Variants in PPM1H observed in about 807,000 individuals in gnomAD.
PPM1H encodes protein phosphatase 1H.
In PPM1H, 27 loss-of-function variants were observed where a neutral mutation model predicts 54.9. The observed-to-expected ratio is 0.49, with a 90% CI of 0.36 to 0.68. PPM1H has a LOEUF of 0.68. PPM1H is among the 30% of genes least tolerant of loss of function. PPM1H has a pLI of 0.00. For missense variants in PPM1H, 596 were observed against 667.8 expected (o/e 0.89, Z 1.19); for synonymous variants, 305 against 270.8 (o/e 1.13, Z -1.24).
chr12:62,659,121 A>G, intron 9 of PPM1H: 2 of 735,290 alleles, frequency 2.7e-6, no homozygotes, highest in East Asian at 5.1e-5. Flanking sequence ...GATCATTCAC[A>G]ATGTTTCCTC....
intron 1 of PPM1H, among the ~76,000 whole-genome samples, chr12:62,854,842 T>C (rs115594542): frequency 0.012 from 1,841 of 152,074 alleles, 29 homozygotes; most frequent in African/African-American, 0.041. Flanking sequence ...AACATAAAAA[T>C]AAAAAATTTA....
At chr12:62,861,740 C>T (rs1869609130) in intron 1 of PPM1H, among the ~76,000 whole-genome samples, 1 of 152,296 alleles carries the variant, frequency 6.6e-6, no homozygotes, top group African/African-American at 2.4e-5. Flanking sequence ...TAGACCCAAA[C>T]ATTTCCTGGG....
chr12:62,854,644 T>C (rs1869315594), intron 1 of PPM1H, among the ~76,000 whole-genome samples: 1 of 152,144 alleles, frequency 6.6e-6, no homozygotes, highest in South Asian at 2.1e-4. Flanking sequence ...TACAGCACAC[T>C]TATTTTTTAG....
chr12:62,766,883 T>A (rs1272201094), intron 4 of PPM1H, among the ~76,000 whole-genome samples: 1 of 152,212 alleles, frequency 6.6e-6, no homozygotes, highest in Non-Finnish European at 1.5e-5. Context: ...CTATATACTG[T>A]TTCTCTCAAC....
At chr12:62,737,476 C>T (rs780214000) in intron 5 of PPM1H, 26 bp downstream of exon 5, 21 of 1,486,644 alleles carry the variant, frequency 1.4e-5, no homozygotes, top group Non-Finnish European at 1.8e-5. Context: ...TGCCACTGCC[C>T]TCTGCCAAGC....
chr12:62,899,493 AG>A (rs1871093110), intron 1 of PPM1H, among the ~76,000 whole-genome samples: 2 of 152,276 alleles, frequency 1.3e-5, no homozygotes, highest in Admixed American at 1.3e-4. Flanking sequence ...AGTTTACAAA[AG>A]TCTGACTGAC....
intron 6 of PPM1H, among the ~76,000 whole-genome samples, chr12:62,699,939 C>A: frequency 6.6e-6 from 1 of 152,160 alleles, no homozygotes; most frequent in East Asian, 1.9e-4. Context: ...GACGACATTC[C>A]TTCAAATCCC....
intron 1 of PPM1H, among the ~76,000 whole-genome samples, chr12:62,895,644 G>T (rs1351243996): frequency 6.6e-6 from 1 of 152,166 alleles, no homozygotes; most frequent in Non-Finnish European, 1.5e-5. Context: ...TAGATTGGTG[G>T]AATTCTCAAG....
At chr12:62,701,592 T>A (rs1052873519) in intron 6 of PPM1H, among the ~76,000 whole-genome samples, 1 of 152,162 alleles carries the variant, frequency 6.6e-6, no homozygotes, top group African/African-American at 2.4e-5. Flanking sequence ...TACAATCCAA[T>A]GATGAGGCCC....
intron 8 of PPM1H, among the ~76,000 whole-genome samples, chr12:62,682,004 C>T (rs1339148244): frequency 6.6e-6 from 1 of 152,140 alleles, no homozygotes; most frequent in East Asian, 1.9e-4. Flanking sequence ...AACCTGAGAT[C>T]CAGGGAAGTA....
intron 4 of PPM1H, chr12:62,756,329 G>A: frequency 2.0e-6 from 1 of 503,680 alleles, no homozygotes; most frequent in Non-Finnish European, 3.7e-6. Context: ...CCACAACACT[G>A]AGAATCTCCC....
At chr12:62,672,761 C>T (rs2075963642) in intron 8 of PPM1H, among the ~76,000 whole-genome samples, 1 of 152,190 alleles carries the variant, frequency 6.6e-6, no homozygotes, top group Non-Finnish European at 1.5e-5. Context: ...GTCCAGCTTA[C>T]AATGAACACC....
intron 5 of PPM1H, among the ~76,000 whole-genome samples, chr12:62,732,665 G>T (rs58319688): frequency 6.7e-6 from 1 of 149,924 alleles, no homozygotes; most frequent in African/African-American, 2.5e-5. Context: ...TCTGCCTCCC[G>T]GGTTCACGCC....
intron 5 of PPM1H, among the ~76,000 whole-genome samples, chr12:62,722,105 A>G (rs564533942): frequency 1.6e-4 from 24 of 152,268 alleles, no homozygotes; most frequent in African/African-American, 4.8e-4. Context: ...TCACAGGCCC[A>G]TGAAGCTCGT....
At chr12:62,879,313 G>A (rs758193709) in intron 1 of PPM1H, among the ~76,000 whole-genome samples, 1 of 152,156 alleles carries the variant, frequency 6.6e-6, no homozygotes, top group Non-Finnish European at 1.5e-5. Context: ...AGTGCTTCAT[G>A]TATGTTTATT....
chr12:62,765,237 G>A (rs1194322494), intron 4 of PPM1H, among the ~76,000 whole-genome samples: 1 of 152,220 alleles, frequency 6.6e-6, no homozygotes, highest in Non-Finnish European at 1.5e-5. Flanking sequence ...TCCACGAGAT[G>A]TCATCTGGAA....
intron 2 of PPM1H, among the ~76,000 whole-genome samples, chr12:62,831,880 G>A (rs2120857326): frequency 6.6e-6 from 1 of 152,000 alleles, no homozygotes; most frequent in East Asian, 1.9e-4. Flanking sequence ...TACATATGGT[G>A]TGGGTGTTTC....
At chr12:62,700,888 G>A (rs541160955) in intron 6 of PPM1H, among the ~76,000 whole-genome samples, 1 of 152,210 alleles carries the variant, frequency 6.6e-6, no homozygotes, top group South Asian at 2.1e-4. Context: ...CATTGTTCCT[G>A]TCCCCCAAAT....
At chr12:62,768,565 G>C (rs1401372466) in intron 4 of PPM1H, among the ~76,000 whole-genome samples, 7 of 152,076 alleles carry the variant, frequency 4.6e-5, no homozygotes, top group African/African-American at 7.2e-5. Flanking sequence ...TGAGGCAGGA[G>C]AACGGCTTGA....
Sources: gnomAD v4.1 joint callset for allele counts (sites outside exome capture counted in the v4.1 genomes callset) on GRCh38, gnomAD v4.1.1 for gene constraint, MANE v1.5 for transcripts, NCBI Gene and HGNC (gene_info 2026-07-23, HGNC 2026-07-21) for gene names.